The following FRZB variants were observed in gnomAD, a reference collection of about 807,000 sequenced individuals.
FRZB encodes frizzled related protein.
FRZB carries 34 observed loss-of-function variants against 32.5 expected under a neutral mutation model. That is an observed-to-expected ratio of 1.05 (90% CI 0.80 to 1.39). The LOEUF is 1.39. Among genes scored for constraint, FRZB ranks in the 40% most tolerant of loss-of-function variants. The pLI, the probability that FRZB is intolerant of heterozygous loss-of-function variation, is 0.00. For synonymous variants in FRZB, 170 were observed against 159.2 expected (o/e 1.07, Z -0.51); for missense variants, 423 against 424.8 (o/e 1.00, Z 0.04).
rs76051006 is a variant in FRZB at position 182,864,742 on chromosome 2, G to T, written c.478+1333C>A. Among the ~76,000 whole-genome samples, 21 of 152,202 alleles carry T rather than the reference G, an allele frequency of 1.4e-4. No individual in the cohort carries two copies. In the East Asian group the frequency reaches 3.5e-3, roughly 25 times the overall value. On this transcript the variant is annotated intron_variant, in intron 1 of 5. Transcript: ENST00000295113. ...TCCAAATCAATTTCCCGATAACTAA[G>T]AATTACTACCTGGAAATGGACTGGG... is the stretch of plus-strand genomic sequence containing the variant.
At chr2:182,838,290 A>AT in intron 4 of FRZB, 119 bp downstream of exon 4, 1 of 849,302 alleles carries the variant, frequency 1.2e-6, no homozygotes, top group South Asian at 1.7e-5. Context: ...CTTATCTGTA[A>AT]TCCCCAAGAA....
chr2:182,844,737 C>T (rs1415319309), intron 2 of FRZB, among the ~76,000 whole-genome samples: 4 of 151,894 alleles, frequency 2.6e-5, no homozygotes, highest in Non-Finnish European at 5.9e-5. Context: ...AATTATATTA[C>T]AAAATGATTT....
intron 2 of FRZB, among the ~76,000 whole-genome samples, chr2:182,854,106 T>C (rs1695739798): frequency 6.6e-6 from 1 of 152,302 alleles, no homozygotes; most frequent in Admixed American, 6.5e-5. Context: ...GAATTTATGG[T>C]ACTAGAATTC....
At chr2:182,845,566 A>G (rs1325778171) in intron 2 of FRZB, among the ~76,000 whole-genome samples, 1 of 152,244 alleles carries the variant, frequency 6.6e-6, no homozygotes, top group Non-Finnish European at 1.5e-5. Context: ...TGTAAGGAAA[A>G]AAAAATACTT....
intron 1 of FRZB, among the ~76,000 whole-genome samples, chr2:182,865,323 G>A (rs935638626): frequency 6.6e-6 from 1 of 152,118 alleles, no homozygotes; most frequent in African/African-American, 2.4e-5. Flanking sequence ...TGACTTGAAG[G>A]CATGTGGGCA....
At chr2:182,847,098 G>C (rs1209143962) in intron 2 of FRZB, among the ~76,000 whole-genome samples, 1 of 152,182 alleles carries the variant, frequency 6.6e-6, no homozygotes, top group Non-Finnish European at 1.5e-5. Flanking sequence ...GGGCACTACA[G>C]ACAATCCAGA....
intron 2 of FRZB, among the ~76,000 whole-genome samples, chr2:182,847,046 G>A (rs1399117049): frequency 6.6e-6 from 1 of 152,176 alleles, no homozygotes; most frequent in African/African-American, 2.4e-5. Flanking sequence ...TTGGGCATCT[G>A]CTACATTCCA....
chr2:182,856,408 A>G (rs1017198067), intron 2 of FRZB, among the ~76,000 whole-genome samples: 7 of 151,928 alleles, frequency 4.6e-5, no homozygotes, highest in African/African-American at 1.4e-4. Context: ...AAAAGAAAGA[A>G]GAGAATGTGA....
rs371182420 is a variant in FRZB, at chr2:182,866,385, G to A, written c.168C>T (p.His56=). ...CGTTGGCCTGAGTGCTGTGGTGCAGGTGGTTGGGCATCTTAGTCATGTTCC... is the reference window on the plus strand; with the variant it reads ...CGTTGGCCTGAGTGCTGTGGTGCAGATGGTTGGGCATCTTAGTCATGTTCC... The part of the protein sequence containing the change: ...LPWNMTKMPN[H]LHHSTQANAI... The change falls in exon 1 of 6, where the codon CAC becomes CAT. Residue 56 remains histidine, a synonymous_variant. Coordinates refer to ENST00000295113, the MANE Select transcript of FRZB (RefSeq NM_001463.4). This position sits in a 1 kb window ranked among gnomAD's most constrained non-coding sequence, Gnocchi z 4.5. 2 of 1,612,862 alleles carry A rather than the reference G, an allele frequency of 1.2e-6. No individual in the cohort carries two copies. Among genetic ancestry groups the A allele is most frequent in the African/African-American group, 2.7e-5 (2 of 74,920 alleles).
intron 2 of FRZB, among the ~76,000 whole-genome samples, chr2:182,854,668 T>C (rs917819669): frequency 1.3e-5 from 2 of 152,210 alleles, no homozygotes; most frequent in Non-Finnish European, 2.9e-5. Context: ...AAAACTTTGA[T>C]GAAGGAGAGA....
intron 4 of FRZB, 30 bp downstream of exon 4, chr2:182,838,379 G>C: frequency 6.5e-7 from 1 of 1,545,682 alleles, no homozygotes; most frequent in Non-Finnish European, 8.9e-7. Flanking sequence ...AAGCAAAGTA[G>C]TTATTCTGTA....
In FRZB at chr2:182,838,630, G is replaced by A. The variant is rs1484484631; in HGVS notation, c.593-17C>T. On this transcript the variant is annotated splice_polypyrimidine_tract_variant and intron_variant, in intron 3 of 5. Coordinates refer to ENST00000295113, the MANE Select transcript of FRZB (RefSeq NM_001463.4). ...CCCGAATGACTGGGATAAAAGACAA[G>A]AAAAGCTGATAATAATATGACACAT... The A allele has an allele frequency of 6.2e-7, 1 of 1,604,298 alleles. No individual in the cohort carries two copies. The highest frequency in any genetic ancestry group is 1.1e-5 in the South Asian group (1 of 90,870).
chr2:182,843,310 A>G (rs1306301695), intron 2 of FRZB, among the ~76,000 whole-genome samples: 2 of 152,196 alleles, frequency 1.3e-5, no homozygotes, highest in Admixed American at 6.5e-5. Flanking sequence ...TGTTTCATCT[A>G]TAGGGTAGAT....
chr2:182,859,290 A>T (rs1695805026), intron 1 of FRZB, among the ~76,000 whole-genome samples: 1 of 152,148 alleles, frequency 6.6e-6, no homozygotes, highest in African/African-American at 2.4e-5. Context: ...AATCATTCTC[A>T]TGTCCTTTAA....
intron 1 of FRZB, among the ~76,000 whole-genome samples, chr2:182,864,878 T>C (rs565896364): frequency 8.6e-5 from 13 of 150,418 alleles, no homozygotes; most frequent in Non-Finnish European, 1.8e-4. Flanking sequence ...TGTTGGGGGG[T>C]GGGGGATGTG....
chr2:182,834,783 G>T lies in FRZB; in HGVS notation c.*66C>A. The stretch of plus-strand genomic sequence containing the variant: ...ATGTGCAATAGTGCAATTTTCCTTT[G>T]CTAGTCCAGCAATGCAAGTAAGTCT... On this transcript the variant is annotated 3_prime_UTR_variant, in exon 6 of 6. Coordinates refer to ENST00000295113, the MANE Select transcript of FRZB (RefSeq NM_001463.4). The T allele has an allele frequency of 9.1e-7, 1 of 1,098,810 alleles. No homozygotes were observed. The highest frequency in any genetic ancestry group is 1.4e-6 in the Non-Finnish European group (1 of 710,582). 68.1% of individuals were successfully genotyped at this position (1,098,810 alleles called of 1,614,324 possible).
At chr2:182,837,178 A>G (rs1695535905) in intron 5 of FRZB, among the ~76,000 whole-genome samples, 1 of 150,544 alleles carries the variant, frequency 6.6e-6, no homozygotes, top group South Asian at 2.1e-4. Flanking sequence ...CAGTAAGAAG[A>G]AACAAAACCT....
chr2:182,839,755 C>T (rs1005195825), intron 3 of FRZB, among the ~76,000 whole-genome samples: 2 of 151,964 alleles, frequency 1.3e-5, no homozygotes, highest in African/African-American at 2.4e-5. Context: ...GGCATTTCTC[C>T]CAGTACCCTC....
intron 5 of FRZB, among the ~76,000 whole-genome samples, chr2:182,835,570 A>T (rs1695515633): frequency 9.4e-6 from 1 of 105,868 alleles, no homozygotes; most frequent in African/African-American, 2.6e-5. Flanking sequence ...TAATAAACAC[A>T]ATCAAGTTTA....
Sources: allele counts gnomAD v4.1 joint callset (sites outside exome capture counted in the v4.1 genomes callset), GRCh38; gene constraint gnomAD v4.1.1; non-coding constraint Gnocchi (gnomAD v3.1); transcripts MANE v1.5; gene names NCBI Gene and HGNC (gene_info 2026-07-23, HGNC 2026-07-21).